The following CALCB variants were observed in gnomAD, a reference collection of about 807,000 sequenced individuals.
CALCB encodes calcitonin related polypeptide beta.
CALCB carries 8 observed loss-of-function variants against 10.7 expected under a neutral mutation model. The observed-to-expected ratio is 0.75, with a 90% confidence interval of 0.44 to 1.34. The LOEUF (loss-of-function observed/expected upper bound fraction) is 1.34. Ranked by LOEUF, CALCB falls within the 40% of genes most tolerant of loss-of-function variation. The pLI is 0.01. For missense variants in CALCB, 176 were observed against 162.5 expected, an observed-to-expected ratio of 1.08 and a Z score of -0.45; for synonymous variants, 76 against 66.9, an observed-to-expected ratio of 1.14 and a Z score of -0.66.
chr11:15,075,285 A>G, intron 3 of CALCB, 87 bp downstream of exon 3: 1 of 1,596,916 alleles, frequency 6.3e-7, no homozygotes, highest in Non-Finnish European at 8.5e-7. Flanking sequence ...GAGAGAACAC[A>G]CTGGCAAGGG....
At position 15,077,285 on chromosome 11, in the gene CALCB, G is replaced by A; in HGVS notation, c.225-1G>A. 6.2e-7 allele frequency: 1 copy of A among 1,613,304 alleles called. No individual in the cohort carries two copies. Among genetic ancestry groups the A allele is most frequent in the Non-Finnish European group, 8.5e-7 (1 of 1,179,754 alleles). ...TCTTCTTTCTCTATCTTGCAAATCAGCTCCGCTGCCCAGAAGAGAGCCTGC... is the reference window on the plus strand; with the variant it reads ...TCTTCTTTCTCTATCTTGCAAATCAACTCCGCTGCCCAGAAGAGAGCCTGC... On this transcript the variant is annotated splice_acceptor_variant, in intron 3 of 4. Transcript: ENST00000324229. LOFTEE classifies it high-confidence loss of function.
chr11:15,077,821 CTACCAAGATTA>C (rs1462604592), intron 4 of CALCB, among the ~76,000 whole-genome samples: 10 of 152,208 alleles, frequency 6.6e-5, no homozygotes, highest in Non-Finnish European at 1.2e-4. Flanking sequence ...TCATAACCTA[CTACCAAGATTA>C]ATAGATGCAG....
At position 15,075,040 on chromosome 11, in the gene CALCB, G is replaced by A. The variant is rs1850381023; in HGVS notation, c.87-21G>A. On this transcript the variant is annotated intron_variant, in intron 2 of 4. Coordinates refer to ENST00000324229, the MANE Select transcript of CALCB (RefSeq NM_000728.4). ...CAGTCAGGGGCTCACAGCCTGCAAG[G>A]AGTTTGCTTCCCTTCCACAGGTCTG... The A allele has an allele frequency of 2.5e-6, 4 of 1,614,112 alleles. No homozygotes were observed. In the East Asian group the frequency reaches 6.7e-5, roughly 27 times the overall value.
intron 2 of CALCB, 50 bp downstream of exon 2, chr11:15,074,854 A>T (rs2081437061): frequency 1.3e-6 from 2 of 1,523,210 alleles, no homozygotes; most frequent in African/African-American, 2.7e-5. Context: ...TGCCCCTAGG[A>T]CCAGACAGCT....
In CALCB at chr11:15,075,189, A is replaced by G; in HGVS notation, c.215A>G (p.Gln72Arg). ...GAGCTGAAGCAGGAGCAGGAGACACAGGGCTCCAGGTGAGGTTCCCCAAGC... is the reference window on the plus strand; with the variant it reads ...GAGCTGAAGCAGGAGCAGGAGACACGGGGCTCCAGGTGAGGTTCCCCAAGC... ...ASELKQEQETQGSSSAAQKRA... is the reference protein window; with the variant it reads ...ASELKQEQETRGSSSAAQKRA... The change falls in exon 3 of 5, where the codon CAG becomes CGG. Residue 72 changes from glutamine to arginine, a missense_variant. Physicochemically the swap from Gln to Arg is conservative, Grantham distance 43. Transcript: ENST00000324229. 1 of 1,614,150 alleles carries G rather than the reference A, an allele frequency of 6.2e-7. No homozygotes were observed. Among genetic ancestry groups the G allele is most frequent in the East Asian group, 2.2e-5 (1 of 44,866 alleles).
chr11:15,073,859 C>T (rs1223440387), intron 1 of CALCB, among the ~76,000 whole-genome samples, 196 bp downstream of exon 1: 2 of 152,254 alleles, frequency 1.3e-5, no homozygotes, highest in African/African-American at 4.8e-5. Flanking sequence ...CCTACCAGTG[C>T]GAGAGGAGCC....
At position 15,075,150 on chromosome 11, in the gene CALCB, A is replaced by G. The variant is rs776636220; in HGVS notation, c.176A>G (p.Gln59Arg). ...LLAALVQDYV[Q>R]MKASELKQEQ... ...GCTGCACTGGTGCAGGACTATGTGC[A>G]GATGAAGGCCAGTGAGCTGAAGCAG... The change falls in exon 3 of 5, where the codon CAG (glutamine) becomes CGG (arginine). Residue 59 changes from glutamine to arginine, a missense_variant. Transcript: ENST00000324229. The G allele has an allele frequency of 1.9e-6, 3 of 1,614,220 alleles. No homozygotes were observed. The highest frequency in any genetic ancestry group is 1.6e-4 in the Middle Eastern group (1 of 6,062).
rs377734075 is a variant in CALCB at position 15,075,928 on chromosome 11, A to T, written c.224+730A>T. On this transcript the variant is annotated intron_variant, in intron 3 of 4. Transcript: ENST00000324229. ...CACCCCGAGAACCTCTCTGTTGAGC[A>T]TGAAGGGCTGAACATCATGGGAATA... is the stretch of plus-strand genomic sequence containing the variant. Among the ~76,000 whole-genome samples the T allele has an allele frequency of 2.7e-4, 41 of 152,260 alleles. No homozygotes were observed. In the South Asian group the frequency reaches 8.3e-3, roughly 31 times the overall value.
chr11:15,075,348 A>C, intron 3 of CALCB, 150 bp downstream of exon 3: 1 of 1,358,362 alleles, frequency 7.4e-7, no homozygotes, highest in Non-Finnish European at 1.0e-6. Flanking sequence ...TCCAAGGGAG[A>C]CAGAGGTCCC....
chr11:15,074,662 A>G, intron 1 of CALCB, 48 bp from the exon 2 acceptor site: 1 of 1,447,266 alleles, frequency 6.9e-7, no homozygotes, highest in Non-Finnish European at 9.6e-7. Flanking sequence ...GCAGGACTGG[A>G]ACCTAGATCT....
At position 15,078,429 on chromosome 11, in the gene CALCB, G is replaced by T. The variant is rs970254687; in HGVS notation, c.*372G>T. 1 of 152,146 alleles carries T rather than the reference G, an allele frequency of 6.6e-6. No homozygotes were observed. The highest frequency in any genetic ancestry group is 1.5e-5 in the Non-Finnish European group (1 of 68,044). 9.4% of individuals were successfully genotyped at this position (152,146 alleles called of 1,614,324 possible). A position where few individuals can be genotyped will look rare whatever the true frequency, so the allele number is the denominator to read the frequency against. ...TGGTCTCCGAGGACACATGGTAATG[G>T]TGATGCTGTGCCTTGTTATCTAAGA... On this transcript the variant is annotated 3_prime_UTR_variant, in exon 5 of 5. Transcript: ENST00000324229.
chr11:15,074,671 C>A, intron 1 of CALCB, 39 bp from the exon 2 acceptor site: 1 of 1,501,914 alleles, frequency 6.7e-7, no homozygotes, highest in Non-Finnish European at 9.2e-7. Flanking sequence ...GAACCTAGAT[C>A]TGTGCTGGTG....
chr11:15,075,449 G>C (rs1005872803), intron 3 of CALCB, among the ~76,000 whole-genome samples: 1 of 152,134 alleles, frequency 6.6e-6, no homozygotes, highest in Non-Finnish European at 1.5e-5. Context: ...GCTTTTTCTA[G>C]ACATAGAAAA....
chr11:15,076,761 GC>G (rs1315838574), intron 3 of CALCB, among the ~76,000 whole-genome samples: 1 of 152,202 alleles, frequency 6.6e-6, no homozygotes, highest in Admixed American at 6.5e-5. Flanking sequence ...CTCAGAAGTA[GC>G]CTTAGCTTCA....
At position 15,077,425 on chromosome 11, in the gene CALCB, C is replaced by T. The variant is rs1287429351; in HGVS notation, c.364C>T (p.Arg122Cys). Residue 122 changes from arginine to cysteine, a missense_variant, in exon 4 of 5, where the codon CGC becomes TGC. Physicochemically the swap from Arg to Cys is radical, Grantham distance 180 (BLOSUM62 -3). Coordinates refer to ENST00000324229, the MANE Select transcript of CALCB (RefSeq NM_000728.4). ...GGGTTCCAAAGCCTTTGGCAGGCGC[C>T]GCAGGGACCTTCAAGCCTGAGCAGA... ...NVGSKAFGRR[R>C]RDLQA is the part of the protein sequence containing the mutation. 5.6e-6 allele frequency: 9 copies of T among 1,614,190 alleles called. No individual in the cohort carries two copies. The highest frequency in any genetic ancestry group is 1.1e-5 in the South Asian group (1 of 91,076).
In CALCB at chr11:15,077,307, C is replaced by A; in HGVS notation, c.246C>A (p.Ala82=). ...TCAGCTCCGCTGCCCAGAAGAGAGC[C>A]TGCAACACTGCCACCTGTGTGACTC... is the stretch of plus-strand genomic sequence containing the variant. ...QGSSSAAQKR[A]CNTATCVTHR... Residue 82 remains alanine (A), a synonymous_variant, in exon 4 of 5, where the codon GCC becomes GCA. Transcript: ENST00000324229. 2 of 1,614,244 alleles carry A rather than the reference C, an allele frequency of 1.2e-6. No individual in the cohort carries two copies. Among genetic ancestry groups the A allele is most frequent in the Non-Finnish European group, 1.7e-6 (2 of 1,180,040 alleles).
intron 3 of CALCB, among the ~76,000 whole-genome samples, chr11:15,076,993 T>C (rs1031995458): frequency 2.6e-5 from 4 of 152,178 alleles, no homozygotes; most frequent in Non-Finnish European, 5.9e-5. Context: ...TCGTGTATCT[T>C]GGGGTGGGTC....
At chr11:15,074,953 G>A in intron 2 of CALCB, 108 bp from the exon 3 acceptor site, 1 of 1,465,660 alleles carries the variant, frequency 6.8e-7, no homozygotes, top group Non-Finnish European at 9.5e-7. Flanking sequence ...GAGTCGCGGT[G>A]GCCACATCCC....
In CALCB at chr11:15,075,217, C is replaced by T. The variant is rs531795786; in HGVS notation, c.224+19C>T. 1 of 1,613,776 alleles carries T rather than the reference C, an allele frequency of 6.2e-7. No homozygotes were observed. Among genetic ancestry groups the T allele is most frequent in the Admixed American group, 1.7e-5 (1 of 60,008 alleles). On this transcript the variant is annotated intron_variant, in intron 3 of 4. Coordinates refer to ENST00000324229, the MANE Select transcript of CALCB (RefSeq NM_000728.4). The stretch of plus-strand genomic sequence containing the variant: ...GCTCCAGGTGAGGTTCCCCAAGCGC[C>T]CAGCACAGGGACTCCTCTCCCCGCA...
Sources: allele counts gnomAD v4.1 joint callset (sites outside exome capture counted in the v4.1 genomes callset), GRCh38; gene constraint gnomAD v4.1.1; transcripts MANE v1.5; gene names NCBI Gene and HGNC (gene_info 2026-07-23, HGNC 2026-07-21).